Variants in AGBL4 observed in about 807,000 individuals in gnomAD.
The protein encoded by AGBL4 is AGBL carboxypeptidase 4.
A neutral mutation model predicts 66.4 loss-of-function variants in AGBL4; 58 were observed. That is an observed-to-expected ratio of 0.87 (90% confidence interval 0.71 to 1.09). AGBL4 has a LOEUF of 1.09. AGBL4 is among the 50% of genes least tolerant of loss of function. AGBL4 has a pLI of 0.00. For missense variants in AGBL4, 579 were observed against 631.0 expected (o/e 0.92, Z 0.88); for synonymous variants, 234 against 222.9 (o/e 1.05, Z -0.44).
At chr1:48,720,147 C>T (rs1248367047) in intron 6 of AGBL4, among the ~76,000 whole-genome samples, 3 of 149,130 alleles carry the variant, frequency 2.0e-5, no homozygotes, top group African/African-American at 7.4e-5. Context: ...CTGTACTGGC[C>T]CTGGGGACTC....
chr1:49,230,658 T>C (rs931124450), intron 4 of AGBL4, among the ~76,000 whole-genome samples: 4 of 152,218 alleles, frequency 2.6e-5, no homozygotes, highest in Admixed American at 2.0e-4. Flanking sequence ...GGAGGAAATA[T>C]AATGGAAATA....
At chr1:48,710,504 C>T (rs1156630024) in intron 6 of AGBL4, among the ~76,000 whole-genome samples, 1 of 152,166 alleles carries the variant, frequency 6.6e-6, no homozygotes, top group Non-Finnish European at 1.5e-5. Flanking sequence ...TGATCACATG[C>T]CAGATACAAA....
intron 4 of AGBL4, among the ~76,000 whole-genome samples, chr1:49,151,321 T>A (rs1646328948): frequency 6.7e-6 from 1 of 149,672 alleles, no homozygotes; most frequent in Non-Finnish European, 1.5e-5. Flanking sequence ...CACACACACA[T>A]ACACATAAAC....
At chr1:49,744,748 A>C (rs1650854367) in intron 2 of AGBL4, among the ~76,000 whole-genome samples, 1 of 152,130 alleles carries the variant, frequency 6.6e-6, no homozygotes, top group Admixed American at 6.6e-5. Flanking sequence ...TGAGCATACA[A>C]TGCATTAAGA....
At chr1:48,933,837 A>G (rs1450140696) in intron 5 of AGBL4, among the ~76,000 whole-genome samples, 2 of 152,172 alleles carry the variant, frequency 1.3e-5, no homozygotes, top group Admixed American at 6.5e-5. Context: ...AAAGGGAGCA[A>G]TTGGTTCTGT....
At chr1:49,639,130 A>G (rs773111506) in intron 3 of AGBL4, among the ~76,000 whole-genome samples, 5 of 152,180 alleles carry the variant, frequency 3.3e-5, no homozygotes, top group African/African-American at 4.8e-5. Flanking sequence ...ATCCCTGTGA[A>G]GATACCTCGG....
chr1:49,123,451 AT>A (rs1385663402), intron 4 of AGBL4, among the ~76,000 whole-genome samples: 1 of 152,208 alleles, frequency 6.6e-6, no homozygotes, highest in Non-Finnish European at 1.5e-5. Context: ...AAAATTATAT[AT>A]TTCATACACA....
chr1:49,167,241 A>G (rs1281467932), intron 4 of AGBL4, among the ~76,000 whole-genome samples: 3 of 152,304 alleles, frequency 2.0e-5, no homozygotes, highest in Non-Finnish European at 2.9e-5. Flanking sequence ...CTAGTTTTCT[A>G]TTACTATATT....
chr1:48,854,165 A>G (rs1432406932), intron 6 of AGBL4, among the ~76,000 whole-genome samples: 1 of 152,198 alleles, frequency 6.6e-6, no homozygotes, highest in East Asian at 1.9e-4. Flanking sequence ...CATCTTTCAT[A>G]AGGACAGGGA....
At chr1:49,661,716 G>A (rs552640861) in intron 3 of AGBL4, among the ~76,000 whole-genome samples, 99 of 152,158 alleles carry the variant, frequency 6.5e-4, no homozygotes, top group African/African-American at 1.9e-3. Flanking sequence ...TTGGCCAGCC[G>A]TTGTACACTG....
chr1:48,641,074 G>A (rs1201324823), intron 8 of AGBL4, among the ~76,000 whole-genome samples: 1 of 152,156 alleles, frequency 6.6e-6, no homozygotes, highest in Non-Finnish European at 1.5e-5. Context: ...TATGAGGTAT[G>A]CCAGCAATTG....
intron 3 of AGBL4, among the ~76,000 whole-genome samples, chr1:49,534,060 G>A (rs992518115): frequency 6.9e-6 from 1 of 145,306 alleles, no homozygotes; most frequent in Non-Finnish European, 1.5e-5. Context: ...ACCACCAATT[G>A]AATAAACATT....
intron 1 of AGBL4, among the ~76,000 whole-genome samples, chr1:49,920,027 G>A (rs915450951): frequency 6.6e-6 from 1 of 152,080 alleles, no homozygotes; most frequent in Non-Finnish European, 1.5e-5. Flanking sequence ...GGGAAAACTG[G>A]CTAGCCATAT....
intron 5 of AGBL4, among the ~76,000 whole-genome samples, chr1:49,004,111 G>C (rs1661596721): frequency 6.6e-6 from 1 of 152,160 alleles, no homozygotes; most frequent in African/African-American, 2.4e-5. Context: ...CCTTCATTGA[G>C]CCTCCCTCTC....
rs1653953213 is a variant in AGBL4 at position 48,920,054 on chromosome 1, TA to T, written c.595-52825del. ...CTGTATGATGATATGAGCCCAGTGG[TA>T]AAAAAGAAGGGGCAGACTCTTGGCT... On this transcript the variant is annotated intron_variant, in intron 5 of 13. Coordinates refer to ENST00000371839, the MANE Select transcript of AGBL4 (RefSeq NM_032785.4). Among the ~76,000 whole-genome samples the T allele has an allele frequency of 2.0e-5, 3 of 152,218 alleles. No homozygotes were observed. In the South Asian group the frequency reaches 6.2e-4, roughly 32 times the overall value.
At chr1:49,880,448 G>C (rs932549612) in intron 1 of AGBL4, among the ~76,000 whole-genome samples, 11 of 152,096 alleles carry the variant, frequency 7.2e-5, no homozygotes, top group African/African-American at 1.5e-4. Context: ...CCCCTGCTGG[G>C]GGGTGCCTCC....
intron 4 of AGBL4, among the ~76,000 whole-genome samples, chr1:49,218,952 G>A (rs1649290041): frequency 6.6e-6 from 1 of 152,128 alleles, no homozygotes; most frequent in South Asian, 2.1e-4. Context: ...CTTCTGCCAT[G>A]ATTGTGAGGC....
At chr1:48,789,296 T>TATA (rs1283147080) in intron 6 of AGBL4, among the ~76,000 whole-genome samples, 2 of 25,428 alleles carry the variant, frequency 7.9e-5, no homozygotes, top group African/African-American at 1.5e-4. Context: ...ATATATATAT[T>TATA]TTTTTTTTTT....
intron 5 of AGBL4, among the ~76,000 whole-genome samples, chr1:48,931,679 C>T (rs1228917259): frequency 6.6e-6 from 1 of 152,150 alleles, no homozygotes; most frequent in East Asian, 1.9e-4. Flanking sequence ...GCCACCACAC[C>T]TAATTATTTG....
Sources: allele counts gnomAD v4.1 joint callset (sites outside exome capture counted in the v4.1 genomes callset), GRCh38; gene constraint gnomAD v4.1.1; transcripts MANE v1.5; gene names NCBI Gene and HGNC (gene_info 2026-07-23, HGNC 2026-07-21).